JAKMIP3: variants seen among roughly 807,000 people sequenced by gnomAD.
JAKMIP3 encodes janus kinase and microtubule-interacting protein 3.
A neutral mutation model predicts 118.5 loss-of-function variants in JAKMIP3; 58 were observed. The observed-to-expected ratio is 0.49, with a 90% CI of 0.40 to 0.61. JAKMIP3 has a LOEUF of 0.61. JAKMIP3 is among the 20% of genes least tolerant of loss of function. The probability of loss-of-function intolerance (pLI) is 0.00; values close to 1 mark genes in which losing one functional copy is unlikely to be tolerated. For missense variants in JAKMIP3, 950 were observed against 1,109.0 expected, an observed-to-expected ratio of 0.86 and a Z score of 2.04; for synonymous variants, 486 against 451.2, an observed-to-expected ratio of 1.08 and a Z score of -0.98.
At position 132,104,784 on chromosome 10, in the gene JAKMIP3, A is replaced by T; in HGVS notation, c.-25A>T. On this transcript the variant is annotated 5_prime_UTR_variant, in exon 2 of 24. Transcript: ENST00000684848. The stretch of plus-strand genomic sequence containing the variant: ...CAGCCGGAGCACCCTACCCCTGGGC[A>T]TCCCCCTGGCCATCCAGCCTCACCA... The T allele has an allele frequency of 6.5e-7, 1 of 1,545,708 alleles. No homozygotes were observed. The highest frequency in any genetic ancestry group is 1.2e-5 in the South Asian group (1 of 83,874).
intron 1 of JAKMIP3, among the ~76,000 whole-genome samples, chr10:132,046,322 G>A (rs2037915112): frequency 6.6e-6 from 1 of 152,180 alleles, no homozygotes; most frequent in Admixed American, 6.5e-5. Context: ...TGGGCGTGGT[G>A]GCGGGCACCT....
intron 1 of JAKMIP3, among the ~76,000 whole-genome samples, chr10:132,066,677 T>C (rs898117219): frequency 6.6e-6 from 1 of 152,236 alleles, no homozygotes; most frequent in Admixed American, 6.5e-5. Context: ...ATATAACTTC[T>C]TATGCAAGGA....
At chr10:132,155,060 A>G (rs56255601) in intron 19 of JAKMIP3, among the ~76,000 whole-genome samples, 6 of 1,146 alleles carry the variant, frequency 5.2e-3, no homozygotes, top group East Asian at 0.024. Flanking sequence ...ACATGGTGGT[A>G]GTAGTGGTAA....
At chr10:132,059,566 G>A (rs929958602) in intron 1 of JAKMIP3, among the ~76,000 whole-genome samples, 2 of 152,238 alleles carry the variant, frequency 1.3e-5, no homozygotes, top group African/African-American at 2.4e-5. Flanking sequence ...GGCCTCCACC[G>A]TCTTGATGTC....
At position 132,152,957 on chromosome 10, in the gene JAKMIP3, G is replaced by A; in HGVS notation, c.2008-1G>A. ...CACCTGTGTTCTGCTTTTGGGTGCAGAACCTGACCAATGAGGAGCAGGTGG... is the reference window on the plus strand; with the variant it reads ...CACCTGTGTTCTGCTTTTGGGTGCAAAACCTGACCAATGAGGAGCAGGTGG... On this transcript the variant is annotated splice_acceptor_variant, in intron 16 of 23. Transcript: ENST00000684848. LOFTEE classifies it high-confidence loss of function. 1 of 1,603,978 alleles carries A rather than the reference G, an allele frequency of 6.2e-7. No homozygotes were observed. The highest frequency in any genetic ancestry group is 1.3e-5 in the African/African-American group (1 of 74,940).
chr10:132,048,737 C>G (rs543483272), intron 1 of JAKMIP3, among the ~76,000 whole-genome samples: 5 of 144,712 alleles, frequency 3.5e-5, no homozygotes, highest in Non-Finnish European at 1.5e-5. Context: ...CCCGGGTTCA[C>G]GCCATTCTCC....
At chr10:132,139,145 T>C (rs1003989858) in intron 9 of JAKMIP3, among the ~76,000 whole-genome samples, 6 of 151,198 alleles carry the variant, frequency 4.0e-5, no homozygotes, top group Non-Finnish European at 8.8e-5. Flanking sequence ...CATGTGTATG[T>C]GAGTATGAGT....
intron 23 of JAKMIP3, among the ~76,000 whole-genome samples, chr10:132,172,845 G>A (rs1467557441): frequency 2.0e-5 from 3 of 151,518 alleles, no homozygotes; most frequent in Admixed American, 6.6e-5. Flanking sequence ...TTGCTACTGG[G>A]GTGACAGTAT....
At chr10:132,062,959 G>A (rs904172920), upstream of JAKMIP3, among the ~76,000 whole-genome samples, 5 of 152,110 alleles carry the variant, frequency 3.3e-5, no homozygotes, top group African/African-American at 1.2e-4. Flanking sequence ...TATAATAGAA[G>A]GAAGAGTGAA....
In JAKMIP3 at chr10:132,109,530, G is replaced by T. The variant is rs552967103; in HGVS notation, c.135+4587G>T. On this transcript the variant is annotated intron_variant, in intron 2 of 23. Transcript: ENST00000684848. ...CCTGCGCCCGGGCGTCTTCTGTCCT[G>T]AGAACGACAGTGAGGGTCTCACAGA... is the stretch of plus-strand genomic sequence containing the variant. 9.0e-4 allele frequency among the ~76,000 whole-genome samples: 137 copies of T among 152,258 alleles called. 5 individuals are homozygous for T. The South Asian group carries it at 0.027, about 30-fold the overall frequency.
chr10:132,071,431 T>G (rs1449272102), intron 1 of JAKMIP3, among the ~76,000 whole-genome samples: 1 of 152,240 alleles, frequency 6.6e-6, no homozygotes, highest in Non-Finnish European at 1.5e-5. Flanking sequence ...TCCACTTGGT[T>G]AATGGTGGTG....
intron 2 of JAKMIP3, among the ~76,000 whole-genome samples, chr10:132,115,579 G>A (rs924544105): frequency 1.3e-5 from 2 of 152,240 alleles, no homozygotes; most frequent in African/African-American, 2.4e-5. Flanking sequence ...GACAGGACTG[G>A]CAGAGGAGGT....
At chr10:132,140,771 G>A (rs1263447072) in intron 10 of JAKMIP3, among the ~76,000 whole-genome samples, 192 bp downstream of exon 10, 1 of 152,236 alleles carries the variant, frequency 6.6e-6, no homozygotes, top group East Asian at 1.9e-4. Context: ...GCTGACTCGG[G>A]CACGGTGAGA....
At chr10:132,120,636 T>G (rs1589861560) in intron 3 of JAKMIP3, among the ~76,000 whole-genome samples, 1 of 152,166 alleles carries the variant, frequency 6.6e-6, no homozygotes, top group Non-Finnish European at 1.5e-5. Context: ...TGGTGAGAGG[T>G]GCCCTGAGGG....
At chr10:132,060,451 A>G (rs1393071516), upstream of JAKMIP3, among the ~76,000 whole-genome samples, 1 of 152,164 alleles carries the variant, frequency 6.6e-6, no homozygotes, top group Admixed American at 6.5e-5. Flanking sequence ...ATTTTAAAAA[A>G]ATGGACACTT....
intron 11 of JAKMIP3, 126 bp downstream of exon 11, chr10:132,142,174 C>T: frequency 9.8e-7 from 1 of 1,018,156 alleles, no homozygotes; most frequent in East Asian, 2.7e-5. Context: ...CTGCCCTTGC[C>T]TGCAGTCCTG....
chr10:132,069,572 G>C (rs999955170), intron 1 of JAKMIP3, among the ~76,000 whole-genome samples: 2 of 152,022 alleles, frequency 1.3e-5, no homozygotes, highest in Non-Finnish European at 2.9e-5. Flanking sequence ...ATGTAGGTCT[G>C]GCATCCCCCC....
intron 11 of JAKMIP3, among the ~76,000 whole-genome samples, chr10:132,142,998 C>T (rs1310514221): frequency 6.6e-6 from 1 of 152,134 alleles, no homozygotes; most frequent in Non-Finnish European, 1.5e-5. Flanking sequence ...CCCCAGGGAG[C>T]CGCCAGCCTC....
upstream of JAKMIP3, among the ~76,000 whole-genome samples, chr10:132,060,709 G>A (rs934151283): frequency 6.6e-6 from 1 of 152,196 alleles, no homozygotes; most frequent in African/African-American, 2.4e-5. Context: ...ATTCACAAAT[G>A]ATTTTCTACA....
Sources: allele counts gnomAD v4.1 joint callset (sites outside exome capture counted in the v4.1 genomes callset), GRCh38; gene constraint gnomAD v4.1.1; transcripts MANE v1.5; gene names NCBI Gene and HGNC (gene_info 2026-07-23, HGNC 2026-07-21).